The following GIPC2 variants were observed in gnomAD, a reference collection of about 807,000 sequenced individuals.
GIPC2 encodes the protein PDZ domain-containing protein GIPC2.
In GIPC2, 30 loss-of-function variants were observed where a neutral mutation model predicts 30.6. The ratio of observed to expected loss-of-function variants is 0.98; its 90% CI spans 0.73 to 1.33. The LOEUF (loss-of-function observed/expected upper bound fraction) is 1.33, where lower values mean the gene tolerates loss of function less well. Ranked by LOEUF, GIPC2 falls within the 40% of genes most tolerant of loss-of-function variation. GIPC2 has a pLI of 0.00. For synonymous variants in GIPC2, 167 were observed against 150.0 expected, an observed-to-expected ratio of 1.11 and a Z score of -0.83; for missense variants, 414 against 390.3, an observed-to-expected ratio of 1.06 and a Z score of -0.51.
chr1:78,092,826 G>C (rs1317594746), intron 2 of GIPC2: 8 of 152,306 alleles, frequency 5.3e-5, no homozygotes. Context: ...TTCTCACCCT[G>C]CTGTCTGCTC....
intron 1 of GIPC2, among the ~76,000 whole-genome samples, chr1:78,072,695 A>G (rs958492267): frequency 2.6e-5 from 4 of 152,206 alleles, no homozygotes; most frequent in African/African-American, 9.7e-5. Context: ...TTAGATAATA[A>G]GAACAACCCA....
At chr1:78,109,895 G>T (rs919081843) in intron 3 of GIPC2, among the ~76,000 whole-genome samples, 1 of 152,220 alleles carries the variant, frequency 6.6e-6, no homozygotes, top group Non-Finnish European at 1.5e-5. Flanking sequence ...TAGGGACGTG[G>T]ATGAAGCTAG....
intron 3 of GIPC2, among the ~76,000 whole-genome samples, chr1:78,117,787 C>T (rs914118107): frequency 7.2e-5 from 11 of 152,156 alleles, no homozygotes; most frequent in Non-Finnish European, 1.3e-4. Flanking sequence ...AATTAGTATC[C>T]TGTGGTTGGA....
chr1:78,100,091 G>T (rs1341085930), intron 3 of GIPC2, among the ~76,000 whole-genome samples: 2 of 152,220 alleles, frequency 1.3e-5, no homozygotes, highest in Non-Finnish European at 2.9e-5. Flanking sequence ...AGGGATATAA[G>T]ATAGAGTTTA....
rs377499019 is a variant in GIPC2, at chr1:78,110,062, G to A, written c.608-9331G>A. Reference sequence around the variant, plus strand: ...TGGGGTGGGGGAAGGGGGAGGGATAGCATTAGGAGATATACCTAATGTAAA... The same window carrying A: ...TGGGGTGGGGGAAGGGGGAGGGATAACATTAGGAGATATACCTAATGTAAA... On this transcript the variant is annotated intron_variant, in intron 3 of 5. Coordinates refer to ENST00000370759, the MANE Select transcript of GIPC2 (RefSeq NM_017655.6). Among the ~76,000 whole-genome samples, 1,152 of 152,174 alleles carry A rather than the reference G, an allele frequency of 7.6e-3. 16 individuals are homozygous for A. The highest frequency in any genetic ancestry group is 0.027 in the African/African-American group (1,104 of 41,500).
intron 1 of GIPC2, among the ~76,000 whole-genome samples, chr1:78,055,096 G>A (rs977283725): frequency 6.6e-6 from 1 of 152,188 alleles, no homozygotes; most frequent in African/African-American, 2.4e-5. Flanking sequence ...TGACTGGGAA[G>A]TCCTAGATTG....
At chr1:78,083,233 A>C (rs1433339687) in intron 2 of GIPC2, among the ~76,000 whole-genome samples, 2 of 152,096 alleles carry the variant, frequency 1.3e-5, no homozygotes, top group African/African-American at 2.4e-5. Context: ...AGTCTTCCTT[A>C]ATCTAGAATA....
chr1:78,073,155 G>T (rs1661655346), intron 1 of GIPC2, among the ~76,000 whole-genome samples: 1 of 150,520 alleles, frequency 6.6e-6, no homozygotes, highest in Non-Finnish European at 1.5e-5. Flanking sequence ...CCAGGCTGGA[G>T]TACAGTGGCC....
intron 1 of GIPC2, among the ~76,000 whole-genome samples, chr1:78,052,861 A>G (rs141268486): frequency 5.6e-4 from 85 of 152,300 alleles, no homozygotes; most frequent in Middle Eastern, 3.4e-3. Flanking sequence ...TTGAAAGTCA[A>G]TATTCTGTAT....
At chr1:78,096,688 T>C (rs1035595928) in intron 3 of GIPC2, among the ~76,000 whole-genome samples, 1 of 152,206 alleles carries the variant, frequency 6.6e-6, no homozygotes, top group African/African-American at 2.4e-5. Context: ...GTCAGTATAC[T>C]TCACTGCCTT....
chr1:78,098,762 T>C (rs933621459), intron 3 of GIPC2, among the ~76,000 whole-genome samples: 1 of 151,782 alleles, frequency 6.6e-6, no homozygotes, highest in Non-Finnish European at 1.5e-5. Context: ...CCTAATCCAA[T>C]ATGACTGGTG....
intron 5 of GIPC2, among the ~76,000 whole-genome samples, chr1:78,126,296 T>C (rs1050445559): frequency 6.6e-6 from 1 of 152,218 alleles, no homozygotes; most frequent in Non-Finnish European, 1.5e-5. Context: ...TATTATTTGA[T>C]ATATCAGAAG....
intron 3 of GIPC2, among the ~76,000 whole-genome samples, chr1:78,116,582 AC>A (rs1662570868): frequency 6.8e-6 from 1 of 146,340 alleles, no homozygotes; most frequent in Non-Finnish European, 1.5e-5. Context: ...TTCAATTCCC[AC>A]CTATGAATGA....
At chr1:78,124,248 T>G (rs1288766244) in intron 4 of GIPC2, among the ~76,000 whole-genome samples, 7 of 152,202 alleles carry the variant, frequency 4.6e-5, no homozygotes, top group Non-Finnish European at 1.0e-4. Flanking sequence ...CTGAAATGTT[T>G]AGTAATCATT....
upstream of GIPC2, chr1:78,045,955 C>A: frequency 7.3e-7 from 1 of 1,371,218 alleles, no homozygotes; most frequent in Non-Finnish European, 9.4e-7. Flanking sequence ...GGGCCCTGAC[C>A]CGACGCAGCC....
intron 3 of GIPC2, among the ~76,000 whole-genome samples, chr1:78,104,981 T>C (rs1196141494): frequency 6.6e-6 from 1 of 152,178 alleles, no homozygotes; most frequent in African/African-American, 2.4e-5. Context: ...TTAGCATTTG[T>C]CACAAAGATA....
intron 2 of GIPC2, among the ~76,000 whole-genome samples, chr1:78,085,017 G>A (rs138257985): frequency 3.9e-4 from 59 of 152,300 alleles, no homozygotes; most frequent in African/African-American, 1.4e-3. Flanking sequence ...TCTTGTGCTG[G>A]TTTTCAAGGG....
chr1:78,066,339 G>C (rs953100276), intron 1 of GIPC2, among the ~76,000 whole-genome samples: 2 of 152,102 alleles, frequency 1.3e-5, no homozygotes, highest in African/African-American at 4.8e-5. Flanking sequence ...GTGATATACC[G>C]TCTCATACAA....
intron 1 of GIPC2, among the ~76,000 whole-genome samples, chr1:78,049,426 GCGTGAACCA>G (rs1571468712): frequency 1.3e-5 from 2 of 152,310 alleles, no homozygotes; most frequent in African/African-American, 4.8e-5. Context: ...CTCCCAAAGT[GCGTGAACCA>G]CCACGCCCAG....
Sources: gnomAD v4.1 joint callset for allele counts (sites outside exome capture counted in the v4.1 genomes callset) on GRCh38, gnomAD v4.1.1 for gene constraint, MANE v1.5 for transcripts, NCBI Gene and HGNC (gene_info 2026-07-23, HGNC 2026-07-21) for gene names.